LIN54: variants seen among roughly 807,000 people sequenced by gnomAD.
LIN54 encodes lin-54 DREAM MuvB core complex component.
A neutral mutation model predicts 78.7 loss-of-function variants in LIN54; 9 were observed. The ratio of observed to expected loss-of-function variants is 0.11; its 90% CI spans 0.07 to 0.20. The LOEUF is 0.20. Ranked by LOEUF, LIN54 falls within the 10% of genes least tolerant of loss-of-function variation. LIN54 has a pLI of 1.00. For synonymous variants in LIN54, 269 were observed against 318.4 expected, an observed-to-expected ratio of 0.84 and a Z score of 1.65; for missense variants, 573 against 889.9, an observed-to-expected ratio of 0.64 and a Z score of 4.53.
At chr4:82,985,512 C>A (rs1159473953) in intron 1 of LIN54, among the ~76,000 whole-genome samples, 1 of 152,178 alleles carries the variant, frequency 6.6e-6, no homozygotes, top group Non-Finnish European at 1.5e-5. Context: ...AGAAGATTCT[C>A]AAACCCTCCT....
intron 4 of LIN54, 68 bp from the exon 5 acceptor site, chr4:82,946,542 A>G (rs1356614619): frequency 3.2e-6 from 4 of 1,253,604 alleles, no homozygotes; most frequent in Admixed American, 1.7e-5. Context: ...TTAATTTATA[A>G]CCATTGCTCA....
chr4:82,948,817 C>G (rs1723614684), intron 4 of LIN54, among the ~76,000 whole-genome samples: 1 of 152,156 alleles, frequency 6.6e-6, no homozygotes, highest in African/African-American at 2.4e-5. Flanking sequence ...TGGCATAATG[C>G]CCACCAGATT....
intron 11 of LIN54, 126 bp downstream of exon 11, chr4:82,935,855 C>T: frequency 3.2e-6 from 3 of 931,926 alleles, no homozygotes; most frequent in Non-Finnish European, 5.1e-6. Flanking sequence ...AGGGCCTTTG[C>T]ACCAACTGTG....
Position 82,946,566 on chromosome 4 carries a change from G to A in LIN54, c.952-92C>T, listed in dbSNP as rs140462826. Reference sequence around the variant, plus strand: ...AACCATTGCTCAAGTTGTAAAGTATGCTCCTGTATTGCATCAAAAGCTGCT... The same window carrying A: ...AACCATTGCTCAAGTTGTAAAGTATACTCCTGTATTGCATCAAAAGCTGCT... On this transcript the variant is annotated intron_variant, in intron 4 of 12. Coordinates refer to ENST00000340417, the MANE Select transcript of LIN54 (RefSeq NM_194282.4). 18 of 964,460 alleles carry A rather than the reference G, an allele frequency of 1.9e-5. No individual in the cohort carries two copies. The East Asian group carries it at 4.4e-4, about 24-fold the overall frequency. The allele number at this position is 964,460 out of a possible 1,614,324, so 59.7% of individuals were successfully genotyped here. A position where few individuals can be genotyped will look rare whatever the true frequency, so the allele number is the denominator to read the frequency against.
At chr4:82,993,532 GA>G (rs1181263931) in intron 1 of LIN54, among the ~76,000 whole-genome samples, 2 of 151,828 alleles carry the variant, frequency 1.3e-5, no homozygotes, top group East Asian at 3.9e-4. Context: ...TCTTAAGATG[GA>G]AACACAGATC....
intron 11 of LIN54, among the ~76,000 whole-genome samples, chr4:82,933,080 C>G (rs905067106): frequency 6.6e-6 from 1 of 151,492 alleles, no homozygotes; most frequent in Admixed American, 6.6e-5. Context: ...ATTCCACTTA[C>G]CAAAGGAAAA....
intron 2 of LIN54, among the ~76,000 whole-genome samples, chr4:82,982,593 C>T (rs1726768910): frequency 2.6e-5 from 4 of 152,002 alleles, no homozygotes; most frequent in Non-Finnish European, 5.9e-5. Context: ...TTTGGTAAAC[C>T]AATAAAAACA....
rs1353868513 is a variant in LIN54 at position 82,946,445 on chromosome 4, A to G, written c.981T>C (p.Thr327=). The G allele has an allele frequency of 1.2e-6, 2 of 1,613,886 alleles. No individual in the cohort carries two copies. Among genetic ancestry groups the G allele is most frequent in the East Asian group, 2.2e-5 (1 of 44,890 alleles). Residue 327 remains threonine (T), a synonymous_variant, in exon 5 of 13, where the codon ACT becomes ACC. Coordinates refer to ENST00000340417, the MANE Select transcript of LIN54 (RefSeq NM_194282.4). ...KAVKSTVQTI[T]VGGVSTSQFK... ...ACTGTGATGTGCTCACTCCTCCAAC[A>G]GTGATGGTCTGCACAGTTGATTTCA...
chr4:82,971,653 A>G (rs945678386), intron 3 of LIN54, among the ~76,000 whole-genome samples: 6 of 152,194 alleles, frequency 3.9e-5, no homozygotes, highest in Admixed American at 1.3e-4. Context: ...ACCAATCTGT[A>G]TCACATCAAA....
At position 82,939,532 on chromosome 4, in the gene LIN54, C is replaced by T. The variant is rs769256877; in HGVS notation, c.1440+7G>A. The T allele has an allele frequency of 4.3e-6, 7 of 1,611,814 alleles. No homozygotes were observed. In the East Asian group the frequency reaches 1.3e-4, roughly 31 times the overall value. ...TGCAATACAATGACTTCATTTTTTC[C>T]ACATACCTGAGTAACATACTGAGCT... On this transcript the variant is annotated splice_region_variant and intron_variant, in intron 7 of 12. Transcript: ENST00000340417.
chr4:82,984,126 G>A (rs775708309), intron 2 of LIN54, 35 bp downstream of exon 2: 3 of 1,433,058 alleles, frequency 2.1e-6, no homozygotes, highest in East Asian at 4.6e-5. Context: ...TTTTAAACAT[G>A]CATTTTAATT....
At chr4:82,979,190 A>G (rs572523826) in intron 2 of LIN54, among the ~76,000 whole-genome samples, 184 bp from the exon 3 acceptor site, 1 of 152,336 alleles carries the variant, frequency 6.6e-6, no homozygotes, top group South Asian at 2.1e-4. Flanking sequence ...ATATTATTAT[A>G]TCCTTAATCC....
rs1721489767 is a variant in LIN54, at chr4:82,926,633, AG to A, written c.*1468del. On this transcript the variant is annotated 3_prime_UTR_variant, in exon 13 of 13. Coordinates refer to ENST00000340417, the MANE Select transcript of LIN54 (RefSeq NM_194282.4). ...ATAAAATCAAGAGTCCTGTCACAAC[AG>A]GCTCTTAAATTCATAGAGTTTTTGA... The A allele has an allele frequency of 6.6e-6, 1 of 152,216 alleles. No individual in the cohort carries two copies. The highest frequency in any genetic ancestry group is 1.5e-5 in the Non-Finnish European group (1 of 68,030). 9.4% of individuals were successfully genotyped at this position (152,216 alleles called of 1,614,324 possible). A position where few individuals can be genotyped will look rare whatever the true frequency, so the allele number is the denominator to read the frequency against.
intron 5 of LIN54, among the ~76,000 whole-genome samples, chr4:82,942,860 G>GCA (rs1214264708): frequency 0.016 from 617 of 38,526 alleles, 6 homozygotes; most frequent in African/African-American, 0.1. Flanking sequence ...GTGTGCGCGC[G>GCA]CACACACACA....
intron 4 of LIN54, among the ~76,000 whole-genome samples, chr4:82,963,644 A>G (rs774369676): frequency 1.3e-5 from 2 of 151,298 alleles, no homozygotes; most frequent in African/African-American, 4.9e-5. Context: ...GTAGACTGTG[A>G]TAAGTCAAAA....
At position 82,937,826 on chromosome 4, in the gene LIN54, C is replaced by T. The variant is rs187982374; in HGVS notation, c.1533-528G>A. Among the ~76,000 whole-genome samples the T allele has an allele frequency of 4.5e-3, 688 of 152,202 alleles. 7 individuals carry two copies. The highest frequency in any genetic ancestry group is 7.5e-3 in the Non-Finnish European group (513 of 68,018). ...ATAAACATCAACAAAAAATGAGGACCTCACATAATTTTAAAAATAGTTGGG... is the reference window on the plus strand; with the variant it reads ...ATAAACATCAACAAAAAATGAGGACTTCACATAATTTTAAAAATAGTTGGG... On this transcript the variant is annotated intron_variant, in intron 8 of 12. Transcript: ENST00000340417.
intron 4 of LIN54, 107 bp downstream of exon 4, chr4:82,970,220 A>G: frequency 9.8e-7 from 1 of 1,019,484 alleles, no homozygotes; most frequent in Non-Finnish European, 1.4e-6. Flanking sequence ...TTGAATGTCT[A>G]TTACTTGCTT....
intron 1 of LIN54, among the ~76,000 whole-genome samples, chr4:82,987,827 G>A (rs946527613): frequency 2.6e-5 from 4 of 152,176 alleles, no homozygotes; most frequent in Admixed American, 6.5e-5. Context: ...TGTAAATAGT[G>A]CTGCAATAAA....
chr4:82,978,568 T>C (rs1490403226), intron 3 of LIN54, among the ~76,000 whole-genome samples: 1 of 152,180 alleles, frequency 6.6e-6, no homozygotes, highest in Non-Finnish European at 1.5e-5. Context: ...GGGAATGATA[T>C]AGTCACTATA....
Sources: gnomAD v4.1 joint callset for allele counts (sites outside exome capture counted in the v4.1 genomes callset) on GRCh38, gnomAD v4.1.1 for gene constraint, MANE v1.5 for transcripts, NCBI Gene and HGNC (gene_info 2026-07-23, HGNC 2026-07-21) for gene names.